The following CHFR variants were observed in gnomAD, a reference collection of about 807,000 sequenced individuals.
CHFR encodes the protein checkpoint with forkhead and ring finger domains.
In CHFR, 57 loss-of-function variants were observed where a neutral mutation model predicts 87.6. The observed-to-expected ratio is 0.65, with a 90% CI of 0.53 to 0.81. The LOEUF (loss-of-function observed/expected upper bound fraction) is 0.81. Among genes scored for constraint, CHFR ranks in the 30% least tolerant of loss-of-function variants. The probability of loss-of-function intolerance (pLI) is 0.00; values close to 1 mark genes in which losing one functional copy is unlikely to be tolerated. For missense variants in CHFR, 797 were observed against 865.8 expected, an observed-to-expected ratio of 0.92 and a Z score of 1.00; for synonymous variants, 381 against 359.2, an observed-to-expected ratio of 1.06 and a Z score of -0.69.
chr12:132,863,856 T>C (rs543239273), intron 6 of CHFR, among the ~76,000 whole-genome samples: 1 of 152,142 alleles, frequency 6.6e-6, no homozygotes, highest in Non-Finnish European at 1.5e-5. Flanking sequence ...CCTCCTGGGC[T>C]AAAGCGATCC....
intron 7 of CHFR, among the ~76,000 whole-genome samples, chr12:132,860,743 G>A (rs1454002676): frequency 6.6e-6 from 1 of 152,168 alleles, no homozygotes; most frequent in Admixed American, 6.6e-5. Context: ...CAGGACAGAG[G>A]GCTTTCTTTT....
At chr12:132,858,552 C>T (rs1239025806) in intron 8 of CHFR, among the ~76,000 whole-genome samples, 1 of 151,366 alleles carries the variant, frequency 6.6e-6, no homozygotes, top group Non-Finnish European at 1.5e-5. Flanking sequence ...TGGTGAAACC[C>T]TGTCTCTACT....
At chr12:132,851,067 T>C (rs1287229172) in intron 12 of CHFR, among the ~76,000 whole-genome samples, 1 of 151,518 alleles carries the variant, frequency 6.6e-6, no homozygotes, top group Non-Finnish European at 1.5e-5. Flanking sequence ...CTCAGCTCAC[T>C]GCAACCTCCT....
chr12:132,861,832 G>A (rs948385320), intron 6 of CHFR, 198 bp from the exon 7 acceptor site: 12 of 559,766 alleles, frequency 2.1e-5, no homozygotes, highest in Non-Finnish European at 3.5e-5. Flanking sequence ...TCTACGTGGG[G>A]TGGAGCTGGG....
rs144644143 is a variant in CHFR at position 132,844,056 on chromosome 12, C to T, written c.1814G>A (p.Arg605Gln). 1.1e-5 allele frequency: 17 copies of T among 1,613,560 alleles called. No homozygotes were observed. The highest frequency in any genetic ancestry group is 4.0e-5 in the African/African-American group (3 of 74,998). ...RSFRELTYQYRQNIPASELPV... is the reference protein window; with the variant it reads ...RSFRELTYQYQQNIPASELPV... Reference sequence around the variant, plus strand: ...CAACTCGGAAGCAGGAATGTTCTGCCGATACTGATAGGTCAGCTCACGGAA... The same window carrying T: ...CAACTCGGAAGCAGGAATGTTCTGCTGATACTGATAGGTCAGCTCACGGAA... The change falls in exon 16 of 18, where the codon CGG (arginine) becomes CAG (glutamine). Residue 605 changes from arginine to glutamine, a missense_variant. Coordinates refer to ENST00000450056, the MANE Select transcript of CHFR (RefSeq NM_001161346.2).
rs1221124973 is a variant in CHFR, at chr12:132,857,527, G to A, written c.944C>T (p.Ala315Val). ...LQPCMHTFCAACYSGWMERSS... is the reference protein window; with the variant it reads ...LQPCMHTFCAVCYSGWMERSS... The stretch of plus-strand genomic sequence containing the variant: ...GCGCTCCATCCAGCCCGAGTAGCAA[G>A]CCGCGCAGAACGTGTGCATGCAGGG... The change falls in exon 9 of 18, where the codon GCT (alanine) becomes GTT (valine). Residue 315 changes from alanine (A) to valine (V), a missense_variant. Coordinates refer to ENST00000450056, the MANE Select transcript of CHFR (RefSeq NM_001161346.2). The A allele has an allele frequency of 6.2e-7, 1 of 1,614,048 alleles. No individual in the cohort carries two copies. Among genetic ancestry groups the A allele is most frequent in the African/African-American group, 1.3e-5 (1 of 74,942 alleles).
chr12:132,868,749 C>T (rs985830397), intron 6 of CHFR, among the ~76,000 whole-genome samples: 12 of 150,248 alleles, frequency 8.0e-5, no homozygotes, highest in Non-Finnish European at 1.3e-4. Context: ...ATCCAGAGGC[C>T]GAAAGCACAC....
chr12:132,857,974 TC>T (rs1423353494), intron 8 of CHFR, among the ~76,000 whole-genome samples: 1 of 152,108 alleles, frequency 6.6e-6, no homozygotes. Flanking sequence ...GTTCACGGGG[TC>T]ACACACGACC....
intron 3 of CHFR, among the ~76,000 whole-genome samples, chr12:132,874,344 C>A (rs1022133474): frequency 6.6e-6 from 1 of 150,482 alleles, no homozygotes; most frequent in African/African-American, 2.4e-5. Context: ...CTGGAACAGG[C>A]AGGGAGGCCC....
intron 2 of CHFR, among the ~76,000 whole-genome samples, chr12:132,880,741 C>T (rs1047915385): frequency 6.6e-5 from 10 of 151,856 alleles, no homozygotes; most frequent in Admixed American, 3.3e-4. Flanking sequence ...CCGAGGCGGG[C>T]GGATCACAAG....
chr12:132,856,730 G>T, intron 9 of CHFR, 100 bp from the exon 10 acceptor site: 1 of 1,359,896 alleles, frequency 7.4e-7, no homozygotes, highest in Non-Finnish European at 1.0e-6. Flanking sequence ...GCTGCGGAAG[G>T]AGGGGTCTGG....
chr12:132,846,780 T>G (rs1404027566), intron 15 of CHFR, among the ~76,000 whole-genome samples: 1 of 152,132 alleles, frequency 6.6e-6, no homozygotes, highest in Non-Finnish European at 1.5e-5. Context: ...CTCAGGAGGT[T>G]GATGCAGGAG....
chr12:132,851,656 G>A lies in CHFR; in HGVS notation c.1454C>T (p.Ala485Val), dbSNP rs2306541. 472,275 of 1,612,636 alleles carry A rather than the reference G, an allele frequency of 0.29. 71,518 individuals are homozygous for A. The highest frequency in any genetic ancestry group is 0.4 in the Middle Eastern group (2,425 of 6,062). ...CCFQPMPDRRAEREQDPRVAP... is the reference protein window; with the variant it reads ...CCFQPMPDRRVEREQDPRVAP... The stretch of plus-strand genomic sequence containing the variant: ...GACACGCGGGTCCTGCTCGCGCTCC[G>A]CTCTCCGGTCGGGCATGGGCTGGAA... Residue 485 changes from alanine (A) to valine (V), a missense_variant, in exon 12 of 18, where the codon GCG (alanine) becomes GTG (valine). This residue lies in a region of CHFR where 200 missense variants were observed against 264.6 expected (regional missense o/e 0.76). Transcript: ENST00000450056.
At chr12:132,856,813 C>A in intron 9 of CHFR, 183 bp from the exon 10 acceptor site, 1 of 733,596 alleles carries the variant, frequency 1.4e-6, no homozygotes, top group East Asian at 2.6e-5. Context: ...GTGTGGATGC[C>A]CTCACGTGCC....
At chr12:132,874,577 C>T (rs1318340212) in intron 3 of CHFR, among the ~76,000 whole-genome samples, 8 of 147,474 alleles carry the variant, frequency 5.4e-5, no homozygotes, top group Admixed American at 4.7e-4. Context: ...AGGACCAGCA[C>T]CCAGCGTGGG....
chr12:132,872,891 A>C (rs775962862), intron 3 of CHFR, among the ~76,000 whole-genome samples: 1 of 152,208 alleles, frequency 6.6e-6, no homozygotes, highest in Non-Finnish European at 1.5e-5. Flanking sequence ...CCCTGCACTC[A>C]GAGCTTGTGG....
chr12:132,866,623 C>T (rs1485394633), intron 6 of CHFR: 2 of 145,064 alleles, frequency 1.4e-5, no homozygotes, highest in Non-Finnish European at 1.5e-5. Flanking sequence ...AGTTACAACA[C>T]ACCGCGTAAC....
intron 15 of CHFR, among the ~76,000 whole-genome samples, chr12:132,844,780 G>A (rs967911373): frequency 6.6e-6 from 1 of 152,028 alleles, no homozygotes; most frequent in African/African-American, 2.4e-5. Context: ...ACAGGTGTGT[G>A]CCACCGTGCC....
intron 12 of CHFR, among the ~76,000 whole-genome samples, chr12:132,851,208 C>G (rs908128835): frequency 2.0e-5 from 3 of 152,012 alleles, no homozygotes; most frequent in Admixed American, 1.3e-4. Context: ...CCAGGCTGGT[C>G]TGAAACTCCT....
Sources: gnomAD v4.1 joint callset for allele counts (sites outside exome capture counted in the v4.1 genomes callset) on GRCh38, gnomAD v4.1.1 for gene constraint, gnomAD v4.1.1 regional missense constraint, MANE v1.5 for transcripts, NCBI Gene and HGNC (gene_info 2026-07-23, HGNC 2026-07-21) for gene names.